Variants in CHCHD6 observed in about 807,000 individuals in gnomAD.
CHCHD6 encodes coiled-coil-helix-coiled-coil-helix domain containing 6.
CHCHD6 carries 28 observed loss-of-function variants against 32.3 expected under a neutral mutation model. That is an observed-to-expected ratio of 0.87 (90% CI 0.64 to 1.19). The LOEUF is 1.19. Ranked by LOEUF, CHCHD6 falls within the 50% of genes most tolerant of loss-of-function variation. The pLI is 0.00. For synonymous variants in CHCHD6, 122 were observed against 117.5 expected (o/e 1.04, Z -0.25); for missense variants, 333 against 307.0 (o/e 1.08, Z -0.63).
At chr3:126,852,852 A>G in intron 5 of CHCHD6, 122 bp downstream of exon 5, 1 of 672,016 alleles carries the variant, frequency 1.5e-6, no homozygotes, top group Non-Finnish European at 2.7e-6. Context: ...CCCAGATGCC[A>G]GTCACTCCTT....
chr3:126,724,597 A>G (rs1019631099), intron 1 of CHCHD6, among the ~76,000 whole-genome samples: 3 of 152,144 alleles, frequency 2.0e-5, no homozygotes, highest in Non-Finnish European at 2.9e-5. Flanking sequence ...TAAGACAACA[A>G]TGAAGTTTGC....
rs182314177 is a variant in CHCHD6, at chr3:126,959,803, A to T, written c.703-393A>T. Among the ~76,000 whole-genome samples the T allele has an allele frequency of 4.5e-4, 69 of 152,330 alleles. 2 individuals are homozygous for T. In the East Asian group the frequency reaches 0.012, roughly 27 times the overall value. On this transcript the variant is annotated intron_variant, in intron 7 of 7. Coordinates refer to ENST00000290913, the MANE Select transcript of CHCHD6 (RefSeq NM_032343.3). ...AGCAGGCTCCTGCTGAGCTGTGAAA[A>T]ATCAGAGAACAGAGGGGAGGCCTTG...
chr3:126,892,941 TTTGTTG>T (rs999523484), intron 5 of CHCHD6, among the ~76,000 whole-genome samples: 7 of 151,626 alleles, frequency 4.6e-5, no homozygotes, highest in East Asian at 3.9e-4. Flanking sequence ...TTTTTCTTTT[TTTGTTG>T]TTGTTGTTGT....
At chr3:126,840,145 G>GT (rs1246588194) in intron 4 of CHCHD6, among the ~76,000 whole-genome samples, 1 of 152,134 alleles carries the variant, frequency 6.6e-6, no homozygotes, top group Non-Finnish European at 1.5e-5. Flanking sequence ...GTACTTCATT[G>GT]TTTTTTCTGG....
At position 126,772,050 on chromosome 3, in the gene CHCHD6, A is replaced by AG. The variant is rs149606533; in HGVS notation, c.411+38828_411+38829insG. 9.8e-3 allele frequency among the ~76,000 whole-genome samples: 1,452 copies of AG among 148,672 alleles called. 21 individuals carry two copies. The highest frequency in any genetic ancestry group is 0.034 in the African/African-American group (1,383 of 40,330). On this transcript the variant is annotated intron_variant, in intron 4 of 7. Transcript: ENST00000290913. ...CCTCAGTGGTCTCTCTAATACTGTC[A>AG]TGGGGTGTTGAAATCTACACCTACT... is the stretch of plus-strand genomic sequence containing the variant.
intron 4 of CHCHD6, among the ~76,000 whole-genome samples, chr3:126,800,483 G>A (rs1287427991): frequency 6.6e-6 from 1 of 152,182 alleles, no homozygotes; most frequent in Non-Finnish European, 1.5e-5. Context: ...CAGAATTGGA[G>A]GGAGCAGGCC....
At chr3:126,953,870 A>T (rs2078750031) in intron 6 of CHCHD6, among the ~76,000 whole-genome samples, 1 of 152,220 alleles carries the variant, frequency 6.6e-6, no homozygotes, top group Admixed American at 6.5e-5. Context: ...TGTGAAGAGT[A>T]GCTGTTTGCA....
intron 5 of CHCHD6, among the ~76,000 whole-genome samples, chr3:126,871,131 A>G: frequency 6.6e-6 from 1 of 152,148 alleles, no homozygotes; most frequent in East Asian, 1.9e-4. Flanking sequence ...CACCCTTTTC[A>G]GTCTGAAGAT....
intron 4 of CHCHD6, among the ~76,000 whole-genome samples, chr3:126,817,526 G>A (rs1234258771): frequency 6.6e-6 from 1 of 152,148 alleles, no homozygotes; most frequent in Non-Finnish European, 1.5e-5. Context: ...CTCTGATGTG[G>A]CCCTGGCCTT....
At position 126,942,914 on chromosome 3, in the gene CHCHD6, G is replaced by A. The variant is rs181306081; in HGVS notation, c.567-14502G>A. ...TGCGTGAGGACTGCCATCTGTGTGT[G>A]GGGGGGAGTATTTCACAAGTCCATA... On this transcript the variant is annotated intron_variant, in intron 6 of 7. Transcript: ENST00000290913. Among the ~76,000 whole-genome samples, 244 of 152,220 alleles carry A rather than the reference G, an allele frequency of 1.6e-3. 1 individual carries two copies. Among genetic ancestry groups the A allele is most frequent in the Non-Finnish European group, 2.8e-3 (190 of 67,998 alleles).
At chr3:126,930,888 G>A (rs1283981331) in intron 6 of CHCHD6, among the ~76,000 whole-genome samples, 3 of 152,346 alleles carry the variant, frequency 2.0e-5, no homozygotes, top group African/African-American at 7.2e-5. Context: ...AGCTCTGGCT[G>A]TTAGAAAAGA....
At chr3:126,833,295 A>G (rs1022953096) in intron 4 of CHCHD6, among the ~76,000 whole-genome samples, 1 of 152,176 alleles carries the variant, frequency 6.6e-6, no homozygotes, top group African/African-American at 2.4e-5. Flanking sequence ...ACTGGCTCCA[A>G]CCCCTTCAGG....
chr3:126,819,979 G>A (rs1940081453), intron 4 of CHCHD6, among the ~76,000 whole-genome samples: 1 of 152,194 alleles, frequency 6.6e-6, no homozygotes, highest in African/African-American at 2.4e-5. Context: ...TAGCTTAGTG[G>A]GAAGAACCAG....
intron 4 of CHCHD6, among the ~76,000 whole-genome samples, chr3:126,842,572 A>T (rs1941135725): frequency 6.6e-6 from 1 of 152,180 alleles, no homozygotes; most frequent in Admixed American, 6.5e-5. Context: ...AAGTCACTTA[A>T]TCTGAATCCT....
chr3:126,714,781 C>T lies in CHCHD6; in HGVS notation c.87+10382C>T, dbSNP rs532895475. Among the ~76,000 whole-genome samples, 8 of 152,232 alleles carry T rather than the reference C, an allele frequency of 5.3e-5. No homozygotes were observed. In the South Asian group the frequency reaches 1.2e-3, roughly 24 times the overall value. ...GCGTTGAGTGGATGGAGCATGGCTG[C>T]GTAGGCCTGTCTCGGCTGCTGACCC... is the stretch of plus-strand genomic sequence containing the variant. On this transcript the variant is annotated intron_variant, in intron 1 of 7. Transcript: ENST00000290913.
chr3:126,865,659 A>G (rs980588120), intron 5 of CHCHD6: 44 of 984,678 alleles, frequency 4.5e-5, no homozygotes, highest in Non-Finnish European at 5.3e-5. Flanking sequence ...TACTACTATT[A>G]TCACCTCCCT....
At chr3:126,900,591 G>A (rs2077909531) in intron 5 of CHCHD6, among the ~76,000 whole-genome samples, 2 of 146,516 alleles carry the variant, frequency 1.4e-5, no homozygotes, top group African/African-American at 5.1e-5. Context: ...AAGGACGGGA[G>A]GTGTGACACA....
At chr3:126,886,205 T>A (rs1464233535) in intron 5 of CHCHD6, among the ~76,000 whole-genome samples, 1 of 152,212 alleles carries the variant, frequency 6.6e-6, no homozygotes, top group Non-Finnish European at 1.5e-5. Flanking sequence ...AACAAACTTT[T>A]ATAGATATAA....
chr3:126,766,593 G>T, intron 4 of CHCHD6: 3 of 1,195,622 alleles, frequency 2.5e-6, no homozygotes, highest in Non-Finnish European at 2.5e-6. Flanking sequence ...TGGAAGACTT[G>T]GGCTTGTGGT....
Sources: allele counts gnomAD v4.1 joint callset (sites outside exome capture counted in the v4.1 genomes callset), GRCh38; gene constraint gnomAD v4.1.1; transcripts MANE v1.5; gene names NCBI Gene and HGNC (gene_info 2026-07-23, HGNC 2026-07-21).